The following AGO4 variants were observed in gnomAD, a reference collection of about 807,000 sequenced individuals.
AGO4 encodes the protein argonaute RISC component 4.
A neutral mutation model predicts 104.7 loss-of-function variants in AGO4; 33 were observed. The ratio of observed to expected loss-of-function variants is 0.32; its 90% CI spans 0.24 to 0.42. AGO4 has a LOEUF of 0.42. Among genes scored for constraint, AGO4 ranks in the 10% least tolerant of loss-of-function variants. The probability of loss-of-function intolerance (pLI) is 1.00; values close to 1 mark genes in which losing one functional copy is unlikely to be tolerated. For synonymous variants in AGO4, 331 were observed against 364.7 expected (o/e 0.91, Z 1.05); for missense variants, 711 against 1,083.4 (o/e 0.66, Z 4.83).
chr1:35,849,102 A>C (rs1464233029), intron 15 of AGO4, among the ~76,000 whole-genome samples: 1 of 152,234 alleles, frequency 6.6e-6, no homozygotes, highest in Non-Finnish European at 1.5e-5. Context: ...CCAAATAGCA[A>C]GATGTAATTC....
At chr1:35,809,896 C>T (rs1283647424) in intron 1 of AGO4, among the ~76,000 whole-genome samples, 4 of 152,162 alleles carry the variant, frequency 2.6e-5, no homozygotes, top group African/African-American at 7.2e-5. Context: ...TCTTCCCTCC[C>T]CCTAGTAATT....
chr1:35,833,885 T>G, intron 11 of AGO4, 105 bp from the exon 12 acceptor site: 1 of 1,031,870 alleles, frequency 9.7e-7, no homozygotes, highest in Non-Finnish European at 1.3e-6. Flanking sequence ...GTTTCTAAAT[T>G]TGGCTAAGAA....
rs760646370 is a variant in AGO4 at position 35,822,982 on chromosome 1, GGTAA to G, written c.306+3_306+6del. 1.9e-6 allele frequency: 3 copies of G among 1,613,384 alleles called. No homozygotes were observed. The highest frequency in any genetic ancestry group is 2.5e-6 in the Non-Finnish European group (3 of 1,179,630). On this transcript the variant is annotated splice_donor_variant and splice_donor_region_variant and intron_variant, in intron 3 of 17. Coordinates refer to ENST00000373210, the MANE Select transcript of AGO4 (RefSeq NM_017629.4). LOFTEE classifies it high-confidence loss of function. The stretch of plus-strand genomic sequence containing the variant: ...ATCCACTACCAATTGGACGGGATAG[GGTAA>G]GTGTTAAGAGCAAGAAATACTTAGT...
At chr1:35,809,895 C>T (rs140539775) in intron 1 of AGO4, among the ~76,000 whole-genome samples, 3 of 152,248 alleles carry the variant, frequency 2.0e-5, no homozygotes, top group African/African-American at 7.2e-5. Context: ...TTCTTCCCTC[C>T]CCCTAGTAAT....
At position 35,832,077 on chromosome 1, in the gene AGO4, G is replaced by A. The variant is rs763145570; in HGVS notation, c.1137G>A (p.Val379=). ...TTTAGGTGAAGAGCAACAGTATGGT[G>A]GGTGGACCTGATCCATACCTTAAAG... ...ISRLVKSNSM[V]GGPDPYLKEF... Residue 379 remains valine (V), a synonymous_variant, in exon 10 of 18, where the codon GTG becomes GTA. Coordinates refer to ENST00000373210, the MANE Select transcript of AGO4 (RefSeq NM_017629.4). The A allele has an allele frequency of 2.0e-5, 32 of 1,613,634 alleles. No individual in the cohort carries two copies. The highest frequency in any genetic ancestry group is 5.0e-5 in the Admixed American group (3 of 59,882).
rs1347198674 is a variant in AGO4, at chr1:35,825,957, T to C, written c.657T>C (p.Pro219=). The part of the protein sequence containing the change: ...VSATAFYRAQ[P]IIEFMCEVLD... ...CAACTGCTTTCTACCGGGCTCAGCC[T>C]ATCATTGAGTTCATGTGTGAGGTTT... The change falls in exon 6 of 18, where the codon CCT becomes CCC. Residue 219 remains proline (P), a synonymous_variant. Coordinates refer to ENST00000373210, the MANE Select transcript of AGO4 (RefSeq NM_017629.4). The C allele has an allele frequency of 6.2e-7, 1 of 1,614,242 alleles. No individual in the cohort carries two copies. Among genetic ancestry groups the C allele is most frequent in the Non-Finnish European group, 8.5e-7 (1 of 1,180,040 alleles).
At position 35,854,954 on chromosome 1, in the gene AGO4, G is replaced by T. The variant is rs1644786632; in HGVS notation, c.*1349G>T. 6.6e-6 allele frequency: 1 copy of T among 152,612 alleles called. No individual in the cohort carries two copies. The highest frequency in any genetic ancestry group is 1.5e-5 in the Non-Finnish European group (1 of 68,030). The allele number at this position is 152,612 out of a possible 1,614,324, so 9.5% of individuals were successfully genotyped here. On this transcript the variant is annotated 3_prime_UTR_variant, in exon 18 of 18. Transcript: ENST00000373210. ...GGTTGATTTTTCTTAATAGATTCTG[G>T]ATTCCACTCACAGGGAGATGGGATT...
intron 7 of AGO4, among the ~76,000 whole-genome samples, chr1:35,831,115 A>C (rs1294946165): frequency 1.3e-5 from 2 of 152,112 alleles, no homozygotes; most frequent in Non-Finnish European, 2.9e-5. Context: ...TAATCCCAGC[A>C]CTTTGGGAGG....
At chr1:35,832,878 T>C (rs1444960814) in intron 11 of AGO4, among the ~76,000 whole-genome samples, 1 of 152,198 alleles carries the variant, frequency 6.6e-6, no homozygotes, top group African/African-American at 2.4e-5. Context: ...TCAGCCAAGA[T>C]CAAAAACTAG....
At chr1:35,807,915 G>C (rs1269688084), upstream of AGO4, among the ~76,000 whole-genome samples, 1 of 151,966 alleles carries the variant, frequency 6.6e-6, no homozygotes, top group Non-Finnish European at 1.5e-5. Flanking sequence ...CCCCAGAGCC[G>C]TTGGCCACCG....
intron 1 of AGO4, among the ~76,000 whole-genome samples, chr1:35,809,420 T>A (rs1258051287): frequency 4.6e-5 from 7 of 152,228 alleles, no homozygotes. Context: ...GTTTCATCTT[T>A]TTAGTGCGTA....
chr1:35,820,713 T>A (rs1247658094), intron 2 of AGO4, among the ~76,000 whole-genome samples: 1 of 151,966 alleles, frequency 6.6e-6, no homozygotes, highest in East Asian at 1.9e-4. Context: ...ATTTGTATGC[T>A]GAAGGGAATA....
intron 2 of AGO4, among the ~76,000 whole-genome samples, chr1:35,819,921 G>T (rs1161229436): frequency 6.6e-6 from 1 of 152,042 alleles, no homozygotes. Context: ...GAGACTGGAT[G>T]AGATTATGTT....
chr1:35,819,337 T>C (rs376387869), intron 2 of AGO4, among the ~76,000 whole-genome samples: 14 of 151,930 alleles, frequency 9.2e-5, no homozygotes, highest in East Asian at 7.7e-4. Context: ...AGCTCGTACC[T>C]GTAATCCCAG....
intron 13 of AGO4, among the ~76,000 whole-genome samples, chr1:35,839,615 A>G (rs1044030657): frequency 6.6e-6 from 1 of 152,112 alleles, no homozygotes; most frequent in African/African-American, 2.4e-5. Context: ...TTGTATATGT[A>G]AGCTGTTATG....
chr1:35,839,469 C>A (rs1289098035), intron 13 of AGO4, among the ~76,000 whole-genome samples: 1 of 152,120 alleles, frequency 6.6e-6, no homozygotes, highest in Non-Finnish European at 1.5e-5. Context: ...GCTGTGTGAT[C>A]TTGGGAACAT....
At chr1:35,814,560 TAA>T (rs977348363) in intron 1 of AGO4, among the ~76,000 whole-genome samples, 16 of 151,628 alleles carry the variant, frequency 1.1e-4, no homozygotes, top group Middle Eastern at 3.4e-3. Flanking sequence ...GCGGTGTTTA[TAA>T]GAGTTTGCAA....
intron 16 of AGO4, 105 bp downstream of exon 16, chr1:35,850,363 T>C: frequency 1.2e-6 from 1 of 862,072 alleles, no homozygotes. Flanking sequence ...CTAACTTTGT[T>C]AATGCTTGTA....
intron 17 of AGO4, among the ~76,000 whole-genome samples, chr1:35,853,119 C>A (rs10158259): frequency 0.98 from 149,295 of 152,000 alleles, 73,366 homozygotes; most frequent in East Asian, 1. Flanking sequence ...GGTGTGGTGG[C>A]GGGCGCCTGT....
Sources: gnomAD v4.1 joint callset for allele counts (sites outside exome capture counted in the v4.1 genomes callset) on GRCh38, gnomAD v4.1.1 for gene constraint, MANE v1.5 for transcripts, NCBI Gene and HGNC (gene_info 2026-07-23, HGNC 2026-07-21) for gene names.